BBS9: variants seen among roughly 807,000 people sequenced by gnomAD.
BBS9 encodes the protein protein PTHB1.
Under a neutral mutation model 117.7 loss-of-function variants are expected in BBS9, and 89 were observed. The observed-to-expected ratio is 0.76, with a 90% CI of 0.64 to 0.90. The LOEUF (loss-of-function observed/expected upper bound fraction) is 0.90, where lower values mean the gene tolerates loss of function less well. Among genes scored for constraint, BBS9 ranks in the 40% least tolerant of loss-of-function variants. BBS9 has a pLI of 0.00. For synonymous variants in BBS9, 379 were observed against 370.9 expected, an observed-to-expected ratio of 1.02 and a Z score of -0.25; for missense variants, 982 against 1,042.2, an observed-to-expected ratio of 0.94 and a Z score of 0.80.
intron 21 of BBS9, among the ~76,000 whole-genome samples, chr7:33,577,285 A>G (rs921667386): frequency 1.3e-5 from 2 of 152,246 alleles, no homozygotes; most frequent in Non-Finnish European, 2.9e-5. Context: ...TATGCAGGCA[A>G]CAGACACATG....
chr7:33,599,530 G>C (rs1302199665), intron 21 of BBS9, among the ~76,000 whole-genome samples: 1 of 152,078 alleles, frequency 6.6e-6, no homozygotes, highest in African/African-American at 2.4e-5. Flanking sequence ...GTGAGGTTTA[G>C]TTAACACAAA....
chr7:33,474,199 A>G (rs1426500238), intron 19 of BBS9, among the ~76,000 whole-genome samples: 2 of 152,168 alleles, frequency 1.3e-5, no homozygotes, highest in African/African-American at 4.8e-5. Flanking sequence ...CTCTGGTTAC[A>G]ATGCAAGAAG....
intron 19 of BBS9, among the ~76,000 whole-genome samples, chr7:33,412,537 A>G (rs1584731492): frequency 6.6e-6 from 1 of 152,164 alleles, no homozygotes; most frequent in Non-Finnish European, 1.5e-5. Context: ...TATCATTCCT[A>G]TTCCTGGAGT....
intron 5 of BBS9, among the ~76,000 whole-genome samples, chr7:33,192,162 A>G (rs955333464): frequency 3.9e-5 from 6 of 152,214 alleles, no homozygotes; most frequent in African/African-American, 1.2e-4. Flanking sequence ...CTGGTGCTGT[A>G]TAATGGAATG....
chr7:33,408,907 A>T (rs1447459151), intron 19 of BBS9, among the ~76,000 whole-genome samples: 3 of 152,150 alleles, frequency 2.0e-5, no homozygotes, highest in Admixed American at 1.3e-4. Flanking sequence ...CATTCTGACC[A>T]GTGTGAGATG....
chr7:33,181,084 A>G (rs1461410970), intron 5 of BBS9, among the ~76,000 whole-genome samples: 1 of 152,148 alleles, frequency 6.6e-6, no homozygotes, highest in Non-Finnish European at 1.5e-5. Context: ...AGTGGGTCCT[A>G]TCTGCGATTC....
At chr7:33,191,206 G>C (rs958239188) in intron 5 of BBS9, among the ~76,000 whole-genome samples, 2 of 152,164 alleles carry the variant, frequency 1.3e-5, no homozygotes, top group African/African-American at 4.8e-5. Context: ...TGTTTTACCT[G>C]TAGCTAGTGG....
intron 20 of BBS9, among the ~76,000 whole-genome samples, chr7:33,508,684 G>A (rs902921318): frequency 1.8e-4 from 27 of 152,266 alleles, no homozygotes; most frequent in Admixed American, 1.6e-3. Context: ...TTTCAAGATG[G>A]TGACAACAAA....
chr7:33,586,920 T>G (rs1420408807), intron 21 of BBS9, among the ~76,000 whole-genome samples: 2 of 151,746 alleles, frequency 1.3e-5, no homozygotes, highest in African/African-American at 2.4e-5. Context: ...GGAGTGAAGG[T>G]TAATAAAAGC....
chr7:33,256,557 TAGTC>T (rs1191219237), intron 5 of BBS9, among the ~76,000 whole-genome samples: 2 of 152,192 alleles, frequency 1.3e-5, no homozygotes, highest in Non-Finnish European at 2.9e-5. Context: ...TGATTGTCCT[TAGTC>T]AGATACAAGA....
intron 9 of BBS9, among the ~76,000 whole-genome samples, chr7:33,313,440 CT>C (rs1342406202): frequency 2.6e-5 from 4 of 152,072 alleles, no homozygotes; most frequent in African/African-American, 9.7e-5. Context: ...ACATCATTTT[CT>C]TTTTTTCTGG....
intron 21 of BBS9, among the ~76,000 whole-genome samples, chr7:33,627,659 G>A (rs1278890257): frequency 6.6e-6 from 1 of 152,230 alleles, no homozygotes; most frequent in East Asian, 1.9e-4. Context: ...CCTTGCATCA[G>A]TGTGGCCTGG....
intron 5 of BBS9, among the ~76,000 whole-genome samples, chr7:33,180,361 ATTT>A (rs34742892): frequency 2.9e-4 from 40 of 136,960 alleles, no homozygotes; most frequent in Non-Finnish European, 2.2e-4. Flanking sequence ...CTTGCTGAGA[ATTT>A]TTTTTTTTTT....
At chr7:33,477,437 G>A (rs557525815) in intron 19 of BBS9, among the ~76,000 whole-genome samples, 1 of 152,060 alleles carries the variant, frequency 6.6e-6, no homozygotes, top group Non-Finnish European at 1.5e-5. Context: ...TTTGTTTACT[G>A]TGCATCTGGC....
intron 21 of BBS9, among the ~76,000 whole-genome samples, chr7:33,596,359 TTATC>T (rs140019958): frequency 1.4e-3 from 210 of 145,002 alleles, no homozygotes; most frequent in Middle Eastern, 3.4e-3. Context: ...TGATATATAA[TTATC>T]TATCTATCTA....
chr7:33,441,784 T>G (rs1584843973), intron 19 of BBS9, among the ~76,000 whole-genome samples: 2 of 152,312 alleles, frequency 1.3e-5, no homozygotes, highest in Non-Finnish European at 2.9e-5. Flanking sequence ...CTTGGACTCT[T>G]GTGGAGCTCA....
intron 9 of BBS9, among the ~76,000 whole-genome samples, chr7:33,281,316 T>A (rs1172143479): frequency 6.6e-6 from 1 of 151,556 alleles, no homozygotes; most frequent in Non-Finnish European, 1.5e-5. Flanking sequence ...TTTCATTTGT[T>A]TGCTTTGAGT....
chr7:33,525,906 T>G (rs1339860335), intron 20 of BBS9, among the ~76,000 whole-genome samples: 1 of 151,862 alleles, frequency 6.6e-6, no homozygotes, highest in Non-Finnish European at 1.5e-5. Flanking sequence ...CTTTCCATGT[T>G]TAGCGCTTCC....
intron 5 of BBS9, among the ~76,000 whole-genome samples, chr7:33,194,804 A>T (rs1784683200): frequency 6.6e-6 from 1 of 152,090 alleles, no homozygotes; most frequent in Non-Finnish European, 1.5e-5. Context: ...TGTTTCCTGG[A>T]GTTTGATTAT....
Sources: allele counts gnomAD v4.1 joint callset (sites outside exome capture counted in the v4.1 genomes callset), GRCh38; gene constraint gnomAD v4.1.1; transcripts MANE v1.5; gene names NCBI Gene and HGNC (gene_info 2026-07-23, HGNC 2026-07-21).